BBIP1: variants seen among roughly 807,000 people sequenced by gnomAD.
BBIP1 encodes the protein BBSome-interacting protein 1.
Under a neutral mutation model 8.9 loss-of-function variants are expected in BBIP1, and 6 were observed. The observed-to-expected ratio is 0.67, with a 90% CI of 0.37 to 1.33. BBIP1 has a LOEUF of 1.33. Among genes scored for constraint, BBIP1 ranks in the 40% most tolerant of loss-of-function variants. BBIP1 has a pLI of 0.02. For synonymous variants in BBIP1, 32 were observed against 33.4 expected (o/e 0.96, Z 0.14); for missense variants, 111 against 109.2 (o/e 1.02, Z -0.07).
chr10:110,917,627 G>GA (rs1846445737), intron 2 of BBIP1, among the ~76,000 whole-genome samples: 1 of 152,178 alleles, frequency 6.6e-6, no homozygotes, highest in South Asian at 2.1e-4. Context: ...GCGCTCAGCT[G>GA]AATTTCTGAT....
chr10:110,916,039 T>C (rs1033865949), intron 2 of BBIP1, among the ~76,000 whole-genome samples: 1 of 152,352 alleles, frequency 6.6e-6, no homozygotes, highest in South Asian at 2.1e-4. Context: ...GTGAGTAGGC[T>C]GTCCAAGGTC....
At chr10:110,904,249 G>A (rs1366062166) in intron 2 of BBIP1, 6 of 147,426 alleles carry the variant, frequency 4.1e-5, no homozygotes, top group African/African-American at 1.3e-4. Flanking sequence ...ATAAATATGT[G>A]AGTTTTTTTA....
Position 110,900,154 on chromosome 10 carries a change from C to G in BBIP1, c.*206G>C. 2.2e-6 allele frequency: 1 copy of G among 463,926 alleles called. No homozygotes were observed. Among genetic ancestry groups the G allele is most frequent in the Non-Finnish European group, 3.6e-6 (1 of 277,364 alleles). 28.7% of individuals were successfully genotyped at this position (463,926 alleles called of 1,614,324 possible). A position where few individuals can be genotyped will look rare whatever the true frequency, so the allele number is the denominator to read the frequency against. On this transcript the variant is annotated 3_prime_UTR_variant, in exon 4 of 4. Transcript: ENST00000448814. ...GACTTAAACCCCATAAAACTTGGTT[C>G]ATAGTTTAACTGTTTATGTTCAATA...
chr10:110,903,221 C>A (rs1846048592), intron 2 of BBIP1: 1 of 152,188 alleles, frequency 6.6e-6, no homozygotes, highest in Non-Finnish European at 1.5e-5. Flanking sequence ...ATAGTGTAAG[C>A]AACTCCAGCT....
At position 110,900,515 on chromosome 10, in the gene BBIP1, C is replaced by A. The variant is rs1367918388; in HGVS notation, c.124G>T (p.Val42Leu). Residue 42 changes from valine (V) to leucine (L), a missense_variant, in exon 4 of 4, where the codon GTG becomes TTG. Physicochemically the swap from Val to Leu is conservative, Grantham distance 32. Transcript: ENST00000448814. ...EVLPKQGPLF[V>L]EDIMTMVLCK... ...AGCACCATTGTCATTATATCTTCCA[C>A]AAACAGTGGCCCTAAGTTTAACAAG... 8.5e-6 allele frequency: 13 copies of A among 1,527,976 alleles called. No homozygotes were observed. Among genetic ancestry groups the A allele is most frequent in the African/African-American group, 1.4e-5 (1 of 72,520 alleles). The allele number at this position is 1,527,976 out of a possible 1,614,324, so 94.7% of individuals were successfully genotyped here. A position where few individuals can be genotyped will look rare whatever the true frequency, so the allele number is the denominator to read the frequency against.
At chr10:110,912,972 ATGAC>A (rs1350958115) in intron 2 of BBIP1, among the ~76,000 whole-genome samples, 24 of 152,240 alleles carry the variant, frequency 1.6e-4, no homozygotes, top group African/African-American at 5.8e-4. Flanking sequence ...TAAATAAACT[ATGAC>A]AGTAAAATCC....
chr10:110,901,605 G>T lies in BBIP1; in HGVS notation c.45C>A (p.Asn15Lys), dbSNP rs199902592. 1 of 1,534,348 alleles carries T rather than the reference G, an allele frequency of 6.5e-7. No homozygotes were observed. The highest frequency in any genetic ancestry group is 8.7e-7 in the Non-Finnish European group (1 of 1,145,342). The change falls in exon 3 of 4, where the codon AAC becomes AAA. Residue 15 changes from asparagine (N) to lysine (K), a missense_variant. Coordinates refer to ENST00000448814, the MANE Select transcript of BBIP1 (RefSeq NM_001195305.3). ...AAKRPELSGKNTISNNSDMAE... is the reference protein window; with the variant it reads ...AAKRPELSGKKTISNNSDMAE... ...CCATATCTGAGTTGTTGGATATAGT[G>T]TTTTTTCCTTCAATGAGAAATCAGT... is the stretch of plus-strand genomic sequence containing the variant.
At chr10:110,912,053 C>T (rs1306950180) in intron 2 of BBIP1, 3 of 152,008 alleles carry the variant, frequency 2.0e-5, no homozygotes, top group African/African-American at 4.8e-5. Flanking sequence ...AAAAAATAAG[C>T]GCAGCATATT....
intron 2 of BBIP1, among the ~76,000 whole-genome samples, chr10:110,916,963 G>A (rs1846419799): frequency 6.6e-6 from 1 of 152,160 alleles, no homozygotes; most frequent in South Asian, 2.1e-4. Context: ...AGCTGCGTTT[G>A]AGAAGGCTTA....
rs1382973375 is a variant in BBIP1, at chr10:110,910,297, G to A, written c.37+7824C>T. On this transcript the variant is annotated intron_variant, in intron 2 of 3. Transcript: ENST00000448814. ...TGTCGGAGGACATGGCTAGAGTGCA[G>A]TGTGTGTACAGTGTGCATACAGTGT... Among the ~76,000 whole-genome samples, 4 of 152,212 alleles carry A rather than the reference G, an allele frequency of 2.6e-5. No individual in the cohort carries two copies. The East Asian group carries it at 7.7e-4, about 29-fold the overall frequency.
chr10:110,910,109 C>T (rs933224941), intron 2 of BBIP1, among the ~76,000 whole-genome samples: 3 of 152,090 alleles, frequency 2.0e-5, no homozygotes, highest in South Asian at 2.1e-4. Context: ...TAGGGGACAA[C>T]GGGTGGTCTC....
At position 110,919,124 on chromosome 10, in the gene BBIP1, T is replaced by C; in HGVS notation, c.-60A>G. ...GTACCTCTTTGGGCTTACTTACAGA[T>C]GCATCCCTTCCCAGACGGCTCAGCT... is the stretch of plus-strand genomic sequence containing the variant. On this transcript the variant is annotated 5_prime_UTR_variant, in exon 1 of 4. Transcript: ENST00000448814. 6.5e-6 allele frequency: 1 copy of C among 154,076 alleles called. No individual in the cohort carries two copies. The highest frequency in any genetic ancestry group is 1.9e-4 in the East Asian group (1 of 5,270). 9.5% of individuals were successfully genotyped at this position (154,076 alleles called of 1,614,324 possible).
chr10:110,899,077 C>G lies in BBIP1; in HGVS notation c.*1283G>C, dbSNP rs1845905083. 6.6e-6 allele frequency: 1 copy of G among 152,084 alleles called. No homozygotes were observed. Among genetic ancestry groups the G allele is most frequent in the African/African-American group, 2.4e-5 (1 of 41,418 alleles). The allele number at this position is 152,084 out of a possible 1,614,324, so 9.4% of individuals were successfully genotyped here. ...TACAAAAAGTTATACTCCAGAGACC[C>G]AAAGCTTGACATTTACCTAATGTAT... On this transcript the variant is annotated 3_prime_UTR_variant, in exon 4 of 4. Transcript: ENST00000448814.
chr10:110,917,968 C>A, intron 2 of BBIP1, 153 bp downstream of exon 2: 1 of 667,556 alleles, frequency 1.5e-6, no homozygotes, highest in Admixed American at 2.5e-5. Flanking sequence ...CAAAAGGTGA[C>A]TGCTACAACA....
chr10:110,911,697 A>T (rs1846280829), intron 2 of BBIP1: 1 of 152,020 alleles, frequency 6.6e-6, no homozygotes, highest in African/African-American at 2.4e-5. Flanking sequence ...GTTTAAGAAG[A>T]GTTATCTTGT....
chr10:110,908,427 A>G (rs1210173519), intron 2 of BBIP1, among the ~76,000 whole-genome samples: 1 of 152,224 alleles, frequency 6.6e-6, no homozygotes, highest in African/African-American at 2.4e-5. Context: ...TTTCTATTAC[A>G]TGAACATCCA....
chr10:110,905,568 A>C (rs1846112311), intron 2 of BBIP1, among the ~76,000 whole-genome samples: 2 of 149,860 alleles, frequency 1.3e-5, no homozygotes, highest in Non-Finnish European at 3.0e-5. Flanking sequence ...TCCTCCCCCC[A>C]CCCCTCCAAA....
At chr10:110,912,912 T>G (rs902897032) in intron 2 of BBIP1, among the ~76,000 whole-genome samples, 4 of 152,194 alleles carry the variant, frequency 2.6e-5, no homozygotes, top group African/African-American at 9.7e-5. Flanking sequence ...GACCCCAGTT[T>G]TAAAGTTAGA....
At position 110,918,167 on chromosome 10, in the gene BBIP1, T is replaced by G; in HGVS notation, c.-10A>C. 1 of 1,535,476 alleles carries G rather than the reference T, an allele frequency of 6.5e-7. No homozygotes were observed. Among genetic ancestry groups the G allele is most frequent in the Non-Finnish European group, 8.7e-7 (1 of 1,146,326 alleles). On this transcript the variant is annotated 5_prime_UTR_variant, in exon 2 of 4. Transcript: ENST00000448814. ...CTGCAGCTTTAAGCATCCAACCCGG[T>G]ATTACCAAGATGACTTAGAGTTCTT...
Sources: gnomAD v4.1 joint callset for allele counts (sites outside exome capture counted in the v4.1 genomes callset) on GRCh38, gnomAD v4.1.1 for gene constraint, MANE v1.5 for transcripts, NCBI Gene and HGNC (gene_info 2026-07-23, HGNC 2026-07-21) for gene names.